GABRG3: variants seen among roughly 807,000 people sequenced by gnomAD.
GABRG3 encodes the protein gamma-aminobutyric acid receptor subunit gamma-3.
GABRG3 carries 25 observed loss-of-function variants against 48.8 expected under a neutral mutation model. The observed-to-expected ratio is 0.51, with a 90% CI of 0.37 to 0.72. GABRG3 has a LOEUF of 0.72. Ranked by LOEUF, GABRG3 falls within the 30% of genes least tolerant of loss-of-function variation. GABRG3 has a pLI of 0.00. For missense variants in GABRG3, 394 were observed against 577.9 expected, an observed-to-expected ratio of 0.68 and a Z score of 3.26; for synonymous variants, 227 against 217.6, an observed-to-expected ratio of 1.04 and a Z score of -0.38.
intron 3 of GABRG3, among the ~76,000 whole-genome samples, chr15:27,165,808 T>C (rs1397332840): frequency 2.0e-5 from 3 of 152,124 alleles, no homozygotes; most frequent in African/African-American, 4.8e-5. Flanking sequence ...GGTACCTGTC[T>C]GGGGCACCTG....
chr15:27,164,335 G>A (rs747781553), intron 3 of GABRG3, among the ~76,000 whole-genome samples: 10 of 152,028 alleles, frequency 6.6e-5, no homozygotes, highest in African/African-American at 1.4e-4. Context: ...ACATTCCCCC[G>A]CATACTCACA....
intron 3 of GABRG3, among the ~76,000 whole-genome samples, chr15:27,061,446 CTTTTT>C (rs35770540): frequency 7.0e-6 from 1 of 142,676 alleles, no homozygotes; most frequent in Non-Finnish European, 1.5e-5. Flanking sequence ...GGTAACTGCT[CTTTTT>C]TTTTTTTTTT....
At chr15:27,270,769 A>C (rs1180492436) in intron 3 of GABRG3, among the ~76,000 whole-genome samples, 1 of 152,184 alleles carries the variant, frequency 6.6e-6, no homozygotes, top group Non-Finnish European at 1.5e-5. Flanking sequence ...AAAGTGATAG[A>C]TATGGTCACG....
In GABRG3 at chr15:26,976,852, G is replaced by A. The variant is rs2140634120; in HGVS notation, c.54-150G>A. 1 of 673,624 alleles carries A rather than the reference G, an allele frequency of 1.5e-6. No homozygotes were observed. Among genetic ancestry groups the A allele is most frequent in the Admixed American group, 3.0e-5 (1 of 33,466 alleles). 41.7% of individuals were successfully genotyped at this position (673,624 alleles called of 1,614,324 possible). On this transcript the variant is annotated intron_variant, in intron 1 of 9. Coordinates refer to ENST00000615808, the MANE Select transcript of GABRG3 (RefSeq NM_033223.5). This position sits in a 1 kb window ranked among gnomAD's most constrained non-coding sequence, Gnocchi z 7.8. The stretch of plus-strand genomic sequence containing the variant: ...CGTATTTTGTGTTTCTTTCTTTTTA[G>A]AAAATATTTTCGGGTTTTCACGTGT...
chr15:27,114,297 C>A (rs1389164001), intron 3 of GABRG3, among the ~76,000 whole-genome samples: 1 of 152,102 alleles, frequency 6.6e-6, no homozygotes, highest in East Asian at 1.9e-4. Context: ...GACATTGTTT[C>A]TAGGATTTTT....
chr15:27,110,299 A>G (rs535693652), intron 3 of GABRG3, among the ~76,000 whole-genome samples: 38 of 152,250 alleles, frequency 2.5e-4, no homozygotes, highest in Non-Finnish European at 3.2e-4. Context: ...GTAACAGTGT[A>G]TTCCTTATTT....
intron 3 of GABRG3, among the ~76,000 whole-genome samples, chr15:27,076,027 T>C (rs566944718): frequency 1.5e-4 from 23 of 152,240 alleles, no homozygotes; most frequent in Admixed American, 1.3e-3. Context: ...GCAGAGTCAT[T>C]TGGGGGGCTT....
chr15:27,185,853 C>T (rs1340351829), intron 3 of GABRG3, among the ~76,000 whole-genome samples: 1 of 151,950 alleles, frequency 6.6e-6, no homozygotes, highest in East Asian at 1.9e-4. Flanking sequence ...GACACTACTG[C>T]TTTTTCTTAA....
intron 5 of GABRG3, among the ~76,000 whole-genome samples, chr15:27,480,369 T>C (rs1890069384): frequency 1.3e-5 from 2 of 152,182 alleles, no homozygotes; most frequent in South Asian, 4.1e-4. Flanking sequence ...GCTGTGGCTC[T>C]CCAAGGTTGA....
intron 3 of GABRG3, among the ~76,000 whole-genome samples, chr15:27,127,585 G>A (rs143040603): frequency 5.9e-5 from 9 of 152,220 alleles, no homozygotes; most frequent in African/African-American, 1.9e-4. Flanking sequence ...TGCACTTCAC[G>A]GTGGAGGGAG....
chr15:27,080,279 C>G (rs1201988944), intron 3 of GABRG3, among the ~76,000 whole-genome samples: 1 of 144,928 alleles, frequency 6.9e-6, no homozygotes, highest in African/African-American at 2.6e-5. Context: ...GCGAGAACCT[C>G]TCTCTAATAA....
chr15:26,994,438 CACT>C (rs1209515523), intron 2 of GABRG3, among the ~76,000 whole-genome samples: 7 of 151,678 alleles, frequency 4.6e-5, no homozygotes, highest in Admixed American at 2.0e-4. Flanking sequence ...GATAACTCAC[CACT>C]GATAGTAAAA....
At chr15:27,203,399 T>G (rs779819119) in intron 3 of GABRG3, among the ~76,000 whole-genome samples, 1 of 152,188 alleles carries the variant, frequency 6.6e-6, no homozygotes, top group Non-Finnish European at 1.5e-5. Context: ...TAGCTGCAGG[T>G]ATTCTATGAT....
At position 27,509,642 on chromosome 15, in the gene GABRG3, A is replaced by G. The variant is rs145565483; in HGVS notation, c.713-10330A>G. ...GTTTACTAATGTGCCTATCAAAAGC[A>G]TGCTTAACCTCTCTTACTACATTTT... is the stretch of plus-strand genomic sequence containing the variant. On this transcript the variant is annotated intron_variant, in intron 6 of 9. Transcript: ENST00000615808. 7.8e-3 allele frequency among the ~76,000 whole-genome samples: 1,189 copies of G among 152,326 alleles called. 6 individuals carry two copies. The highest frequency in any genetic ancestry group is 0.024 in the Middle Eastern group (7 of 294).
chr15:27,162,081 C>G (rs532153862), intron 3 of GABRG3, among the ~76,000 whole-genome samples: 2 of 152,252 alleles, frequency 1.3e-5, no homozygotes, highest in African/African-American at 4.8e-5. Context: ...TTCTCTAAGA[C>G]TGTTTACAGC....
In GABRG3 at chr15:27,492,505, T is replaced by C. The variant is rs1277810653; in HGVS notation, c.712+11718T>C. Among the ~76,000 whole-genome samples, 3 of 152,156 alleles carry C rather than the reference T, an allele frequency of 2.0e-5. No homozygotes were observed. The East Asian group carries it at 5.8e-4, about 29-fold the overall frequency. ...GGCAAGTCTAAGGAGAGAGAGCAGT[T>C]GAGCCTGGAAGCCCTGTCCCAGCCT... On this transcript the variant is annotated intron_variant, in intron 6 of 9. Transcript: ENST00000615808.
At position 27,134,052 on chromosome 15, in the gene GABRG3, C is replaced by G. The variant is rs780138136; in HGVS notation, c.270+107231C>G. 3.3e-5 allele frequency among the ~76,000 whole-genome samples: 5 copies of G among 152,190 alleles called. No homozygotes were observed. In the South Asian group the frequency reaches 6.2e-4, roughly 19 times the overall value. On this transcript the variant is annotated intron_variant, in intron 3 of 9. Transcript: ENST00000615808. The stretch of plus-strand genomic sequence containing the variant: ...CTTAAGGTCTCTCTGTAATTAAATG[C>G]TTTGCTGTTTATCTCCCACCACCAA...
At position 26,975,584 on chromosome 15, in the gene GABRG3, A is replaced by G. The variant is rs1424451680; in HGVS notation, c.54-1418A>G. ...TTAACACGCTTTAAAAGACTCATGTATATATTACATAAATATGCATGTGCA... is the reference window on the plus strand; with the variant it reads ...TTAACACGCTTTAAAAGACTCATGTGTATATTACATAAATATGCATGTGCA... On this transcript the variant is annotated intron_variant, in intron 1 of 9. Transcript: ENST00000615808. This position sits in a 1 kb window ranked among gnomAD's most constrained non-coding sequence, Gnocchi z 4.6. Among the ~76,000 whole-genome samples, 1 of 152,236 alleles carries G rather than the reference A, an allele frequency of 6.6e-6. No individual in the cohort carries two copies. The highest frequency in any genetic ancestry group is 1.5e-5 in the Non-Finnish European group (1 of 68,048).
chr15:27,205,572 T>A (rs1226549454), intron 3 of GABRG3, among the ~76,000 whole-genome samples: 2 of 152,132 alleles, frequency 1.3e-5, no homozygotes, highest in Non-Finnish European at 2.9e-5. Context: ...GATGCTGACC[T>A]CATAGAATGA....
Sources: gnomAD v4.1 joint callset for allele counts (sites outside exome capture counted in the v4.1 genomes callset) on GRCh38, gnomAD v4.1.1 for gene constraint, Gnocchi (gnomAD v3.1) non-coding constraint, MANE v1.5 for transcripts, NCBI Gene and HGNC (gene_info 2026-07-23, HGNC 2026-07-21) for gene names.